Variants in SLC1A3 observed in about 807,000 individuals in gnomAD.
SLC1A3 encodes solute carrier family 1 member 3.
A neutral mutation model predicts 48.1 loss-of-function variants in SLC1A3; 21 were observed. The ratio of observed to expected loss-of-function variants is 0.44; its 90% CI spans 0.31 to 0.63. The LOEUF (loss-of-function observed/expected upper bound fraction) is 0.63, where lower values mean the gene tolerates loss of function less well. Among genes scored for constraint, SLC1A3 ranks in the 20% least tolerant of loss-of-function variants. The probability of loss-of-function intolerance (pLI) is 0.08; values close to 1 mark genes in which losing one functional copy is unlikely to be tolerated. For missense variants in SLC1A3, 546 were observed against 689.0 expected (o/e 0.79, Z 2.32); for synonymous variants, 239 against 251.4 (o/e 0.95, Z 0.47).
At chr5:36,645,492 A>G (rs902538487) in intron 3 of SLC1A3, among the ~76,000 whole-genome samples, 19 of 151,448 alleles carry the variant, frequency 1.3e-4, no homozygotes, top group Non-Finnish European at 2.5e-4. Flanking sequence ...CGCCCAGTTA[A>G]TTTTTACATT....
At chr5:36,621,799 T>A (rs144573079) in intron 2 of SLC1A3, among the ~76,000 whole-genome samples, 18 of 152,268 alleles carry the variant, frequency 1.2e-4, no homozygotes, top group African/African-American at 4.1e-4. Flanking sequence ...CCTCTGCATG[T>A]TAGATTGACC....
intron 3 of SLC1A3, 112 bp downstream of exon 3, chr5:36,629,699 G>GAAAA: frequency 4.4e-6 from 3 of 675,864 alleles, no homozygotes; most frequent in Admixed American, 2.4e-5. Flanking sequence ...CTCTGTTCTA[G>GAAAA]AAAAAAAAAA....
chr5:36,657,846 G>A (rs1171901606), intron 3 of SLC1A3, among the ~76,000 whole-genome samples: 8 of 152,202 alleles, frequency 5.3e-5, no homozygotes, highest in African/African-American at 1.9e-4. Context: ...GTAGCCGTGT[G>A]CTTCCTCAGT....
chr5:36,630,529 C>T (rs1740096120), intron 3 of SLC1A3: 1 of 152,204 alleles, frequency 6.6e-6, no homozygotes, highest in African/African-American at 2.4e-5. Flanking sequence ...TCTTTTCCAC[C>T]CTTGGCTCAC....
At chr5:36,625,197 C>CCTGTA (rs1482950919) in intron 2 of SLC1A3, among the ~76,000 whole-genome samples, 2 of 152,246 alleles carry the variant, frequency 1.3e-5, no homozygotes, top group Non-Finnish European at 2.9e-5. Flanking sequence ...GTGGCTCACG[C>CCTGTA]CTGTAATCCT....
At chr5:36,651,141 TAAAAAAAAAAAAAA>T (rs58660599) in intron 3 of SLC1A3, among the ~76,000 whole-genome samples, 8 of 114,580 alleles carry the variant, frequency 7.0e-5, no homozygotes, top group African/African-American at 2.2e-4. Flanking sequence ...AAGTTTTTTT[TAAAAAAAAAAAAAA>T]AAAAAAAAAA....
At position 36,654,213 on chromosome 5, in the gene SLC1A3, T is replaced by C. The variant is rs570427414; in HGVS notation, c.320-16816T>C. Among the ~76,000 whole-genome samples the C allele has an allele frequency of 4.6e-5, 7 of 152,288 alleles. No homozygotes were observed. The South Asian group carries it at 1.5e-3, about 32-fold the overall frequency. On this transcript the variant is annotated intron_variant, in intron 3 of 9. Transcript: ENST00000265113. ...CACATCTGAGGGGTTCTTACACCCC[T>C]CCAGGGGCTGTTAGGAAACACAGTG...
At chr5:36,633,225 A>G (rs1181435424) in intron 3 of SLC1A3, among the ~76,000 whole-genome samples, 2 of 152,216 alleles carry the variant, frequency 1.3e-5, no homozygotes, top group Non-Finnish European at 2.9e-5. Flanking sequence ...CTTTTCAGAA[A>G]CTAGTGCTTT....
intron 3 of SLC1A3, among the ~76,000 whole-genome samples, chr5:36,657,893 C>T (rs1292619816): frequency 6.6e-6 from 1 of 152,206 alleles, no homozygotes; most frequent in Non-Finnish European, 1.5e-5. Context: ...GCGCTGACCG[C>T]ACTGCATTGG....
At chr5:36,623,934 CA>C (rs887158755) in intron 2 of SLC1A3, among the ~76,000 whole-genome samples, 2 of 151,774 alleles carry the variant, frequency 1.3e-5, no homozygotes, top group African/African-American at 4.8e-5. Flanking sequence ...AAAGACAGAG[CA>C]AAGAGGGCTC....
chr5:36,682,036 G>A (rs564167397), intron 8 of SLC1A3, among the ~76,000 whole-genome samples: 1 of 152,090 alleles, frequency 6.6e-6, no homozygotes, highest in Non-Finnish European at 1.5e-5. Flanking sequence ...CATTTCACCT[G>A]TACAAAATTC....
chr5:36,607,727 A>C (rs1201938389), intron 1 of SLC1A3, among the ~76,000 whole-genome samples: 1 of 152,220 alleles, frequency 6.6e-6, no homozygotes, highest in Non-Finnish European at 1.5e-5. Flanking sequence ...TTACCCTGTA[A>C]AATAGTCACA....
chr5:36,599,986 T>C (rs371621200), intron 1 of SLC1A3, among the ~76,000 whole-genome samples: 5 of 152,120 alleles, frequency 3.3e-5, no homozygotes, highest in South Asian at 2.1e-4. Context: ...TATTTATTAA[T>C]TGAGGTATCA....
In SLC1A3 at chr5:36,687,235, C is replaced by T. The variant is rs1742687097; in HGVS notation, c.*966C>T. On this transcript the variant is annotated 3_prime_UTR_variant, in exon 10 of 10. Coordinates refer to ENST00000265113, the MANE Select transcript of SLC1A3 (RefSeq NM_004172.5). ...AAGAATGTCTCCTGCCACTCCTCAA[C>T]TGATGATAGACTTCGAAAACAGATG... 1 of 151,038 alleles carries T rather than the reference C, an allele frequency of 6.6e-6. No individual in the cohort carries two copies. Among genetic ancestry groups the T allele is most frequent in the South Asian group, 2.1e-4 (1 of 4,830 alleles). 9.4% of individuals were successfully genotyped at this position (151,038 alleles called of 1,614,324 possible).
chr5:36,651,317 C>T (rs1196690533), intron 3 of SLC1A3, among the ~76,000 whole-genome samples: 1 of 151,522 alleles, frequency 6.6e-6, no homozygotes, highest in Non-Finnish European at 1.5e-5. Context: ...CATATTGATC[C>T]TAATCTACAC....
chr5:36,652,950 G>A (rs566677396), intron 3 of SLC1A3, among the ~76,000 whole-genome samples: 120 of 152,292 alleles, frequency 7.9e-4, no homozygotes, highest in African/African-American at 2.8e-3. Context: ...GATAATGCAG[G>A]TCTAGCTTCA....
chr5:36,598,619 A>G (rs903347425), intron 1 of SLC1A3, among the ~76,000 whole-genome samples: 1 of 152,208 alleles, frequency 6.6e-6, no homozygotes, highest in South Asian at 2.1e-4. Flanking sequence ...TTACATTAAA[A>G]TAAGCAAAAA....
chr5:36,637,965 C>A (rs1015577156), intron 3 of SLC1A3, among the ~76,000 whole-genome samples: 2 of 148,090 alleles, frequency 1.4e-5, no homozygotes, highest in African/African-American at 5.0e-5. Context: ...TTCTATTGTG[C>A]ACCCATGGTT....
intron 8 of SLC1A3, among the ~76,000 whole-genome samples, chr5:36,682,915 C>T (rs902378139): frequency 6.6e-6 from 1 of 152,178 alleles, no homozygotes; most frequent in Non-Finnish European, 1.5e-5. Flanking sequence ...CTTTCTGTGA[C>T]AGACTTAATA....
Sources: allele counts gnomAD v4.1 joint callset (sites outside exome capture counted in the v4.1 genomes callset), GRCh38; gene constraint gnomAD v4.1.1; transcripts MANE v1.5; gene names NCBI Gene and HGNC (gene_info 2026-07-23, HGNC 2026-07-21).